The following USP13 variants were observed in gnomAD, a reference collection of about 807,000 sequenced individuals.
USP13 encodes the protein ubiquitin specific peptidase 13.
Under a neutral mutation model 107.8 loss-of-function variants are expected in USP13, and 68 were observed. That is an observed-to-expected ratio of 0.63 (90% CI 0.52 to 0.77). USP13 has a LOEUF of 0.77. Among genes scored for constraint, USP13 ranks in the 30% least tolerant of loss-of-function variants. The probability of loss-of-function intolerance (pLI) is 0.00; values close to 1 mark genes in which losing one functional copy is unlikely to be tolerated. For synonymous variants in USP13, 377 were observed against 389.5 expected (o/e 0.97, Z 0.38); for missense variants, 945 against 1,093.3 (o/e 0.86, Z 1.91).
intron 7 of USP13, 102 bp downstream of exon 7, chr3:179,720,136 G>A: frequency 1.3e-6 from 1 of 741,980 alleles, no homozygotes; most frequent in South Asian, 3.0e-5. Context: ...CCTCTAACGT[G>A]GATCTTCATT....
At chr3:179,728,068 G>C (rs1317000559) in intron 8 of USP13, among the ~76,000 whole-genome samples, 1 of 74,066 alleles carries the variant, frequency 1.4e-5, no homozygotes, top group Non-Finnish European at 3.3e-5. Flanking sequence ...TGGCCGGGCG[G>C]GGGGCTGACC....
At chr3:179,693,651 A>G (rs902632972) in intron 3 of USP13, among the ~76,000 whole-genome samples, 2 of 152,058 alleles carry the variant, frequency 1.3e-5, no homozygotes, top group Admixed American at 6.6e-5. Context: ...CGGTAAATTT[A>G]AAACACTAGT....
At chr3:179,673,702 G>A (rs1720811509) in intron 1 of USP13, among the ~76,000 whole-genome samples, 1 of 152,150 alleles carries the variant, frequency 6.6e-6, no homozygotes, top group South Asian at 2.1e-4. Context: ...AGGCATTGAT[G>A]GGGCTGCTGT....
At chr3:179,688,361 T>A (rs1169677634) in intron 2 of USP13, among the ~76,000 whole-genome samples, 1 of 152,230 alleles carries the variant, frequency 6.6e-6, no homozygotes. Flanking sequence ...GTGCCTTTTT[T>A]GAATCTTTCT....
At position 179,740,332 on chromosome 3, in the gene USP13, A is replaced by G. The variant is rs1463544938; in HGVS notation, c.1340A>G (p.Asp447Gly). The change falls in exon 11 of 21, where the codon GAT (aspartate) becomes GGT (glycine). Residue 447 changes from aspartate (D) to glycine (G), a missense_variant. Coordinates refer to ENST00000263966, the MANE Select transcript of USP13 (RefSeq NM_003940.3). ...HPEFSSNRQQ[D>G]AQEFFLHLVN... The stretch of plus-strand genomic sequence containing the variant: ...GAATTCTCCTCTAACAGGCAGCAAG[A>G]TGCCCAGGAATTCTTCTTGCACCTG... 4.3e-6 allele frequency: 7 copies of G among 1,614,038 alleles called. No individual in the cohort carries two copies. The highest frequency in any genetic ancestry group is 5.1e-6 in the Non-Finnish European group (6 of 1,180,034).
At chr3:179,728,109 GC>G (rs2108501369) in intron 8 of USP13, among the ~76,000 whole-genome samples, 1 of 103,702 alleles carries the variant, frequency 9.6e-6, no homozygotes. Flanking sequence ...GGGGCAGCTG[GC>G]CGGGCAGAGG....
At chr3:179,729,613 A>G (rs1713721253) in intron 8 of USP13, among the ~76,000 whole-genome samples, 1 of 152,148 alleles carries the variant, frequency 6.6e-6, no homozygotes, top group Non-Finnish European at 1.5e-5. Flanking sequence ...CTGGGATTCC[A>G]GGCACGTGCC....
At chr3:179,729,963 G>T (rs1031544042) in intron 8 of USP13, among the ~76,000 whole-genome samples, 10 of 152,240 alleles carry the variant, frequency 6.6e-5, no homozygotes, top group African/African-American at 2.4e-4. Context: ...AACTCTTTGG[G>T]TGAATCTAAC....
Position 179,701,085 on chromosome 3 carries a change from C to G in USP13, c.433C>G (p.His145Asp). 6.2e-7 allele frequency: 1 copy of G among 1,613,994 alleles called. No individual in the cohort carries two copies. The highest frequency in any genetic ancestry group is 8.5e-7 in the Non-Finnish European group (1 of 1,180,028). The change falls in exon 4 of 21, where the codon CAC (histidine) becomes GAC (aspartate). Residue 145 changes from histidine (H) to aspartate (D), a missense_variant. By Grantham distance (81) the His-to-Asp change is moderately conservative (BLOSUM62 -1). Transcript: ENST00000263966. ...DEAKLVIFPD[H>D]YEIALPNIEE... is the part of the protein sequence containing the mutation. ...AGCCAAACTTGTTATATTCCCAGAT[C>G]ACTATGAAATAGCACTACCAAATAT... is the stretch of plus-strand genomic sequence containing the variant.
chr3:179,699,747 TTTTA>T (rs71628092), intron 3 of USP13, among the ~76,000 whole-genome samples: 15,225 of 137,918 alleles, frequency 0.11, 1,178 homozygotes, highest in East Asian at 0.31. Context: ...ATCTTATTTA[TTTTA>T]TTTATTTATT....
intron 17 of USP13, among the ~76,000 whole-genome samples, 179 bp from the exon 18 acceptor site, chr3:179,763,823 C>G (rs1436007379): frequency 6.6e-6 from 1 of 152,050 alleles, no homozygotes; most frequent in African/African-American, 2.4e-5. Flanking sequence ...TGACCTCAGG[C>G]GATCCACTCG....
intron 16 of USP13, among the ~76,000 whole-genome samples, chr3:179,759,722 G>A (rs1023582888): frequency 6.6e-5 from 10 of 151,958 alleles, no homozygotes; most frequent in African/African-American, 2.4e-4. Flanking sequence ...TCACCAGGTT[G>A]GAGTGCCGTG....
At position 179,727,928 on chromosome 3, in the gene USP13, AC is replaced by A. The variant is rs1265519884; in HGVS notation, c.1089-2254del. 4.1e-5 allele frequency among the ~76,000 whole-genome samples: 2 copies of A among 48,352 alleles called. 1 individual carries two copies. Among genetic ancestry groups the A allele is most frequent in the Non-Finnish European group, 1.0e-4 (2 of 19,272 alleles). 31.7% of individuals were successfully genotyped at this position (48,352 alleles called of 152,430 possible). The stretch of plus-strand genomic sequence containing the variant: ...GGGCGGCTGGCCAGGTGGGGGGCTG[AC>A]CCCCCCACCTCCCTCTCGGACGAGG... On this transcript the variant is annotated intron_variant, in intron 8 of 20. Transcript: ENST00000263966.
At chr3:179,732,890 T>C (rs1713857237) in intron 10 of USP13, among the ~76,000 whole-genome samples, 1 of 152,172 alleles carries the variant, frequency 6.6e-6, no homozygotes, top group Non-Finnish European at 1.5e-5. Context: ...CTGAGGCTTG[T>C]AGGTGGGAGC....
rs1301571071 is a variant in USP13 at position 179,653,686 on chromosome 3, GTTCCCTGTTCCGA to G, written c.168+294_168+306del. On this transcript the variant is annotated intron_variant, in intron 1 of 20. Coordinates refer to ENST00000263966, the MANE Select transcript of USP13 (RefSeq NM_003940.3). This position sits in a 1 kb window ranked among gnomAD's most constrained non-coding sequence, Gnocchi z 4.0. ...GTTTAAAGATAGATGAAATACAAGAGTTCCCTGTTCCGAACTGCACGTTGCAGATCGTTTGCGT... is the reference window on the plus strand; with the variant it reads ...GTTTAAAGATAGATGAAATACAAGAGACTGCACGTTGCAGATCGTTTGCGT... The G allele has an allele frequency of 1.6e-5, 6 of 383,818 alleles. No individual in the cohort carries two copies. Among genetic ancestry groups the G allele is most frequent in the Non-Finnish European group, 2.9e-5 (6 of 210,064 alleles). 23.8% of individuals were successfully genotyped at this position (383,818 alleles called of 1,614,324 possible). A position where few individuals can be genotyped will look rare whatever the true frequency, so the allele number is the denominator to read the frequency against.
intron 5 of USP13, 102 bp downstream of exon 5, chr3:179,707,178 C>T (rs1055766175): frequency 3.6e-6 from 5 of 1,381,790 alleles, no homozygotes. Context: ...TTTTTTCTTA[C>T]CAGATGCCTT....
chr3:179,676,637 A>G (rs1217743500), intron 1 of USP13, among the ~76,000 whole-genome samples: 2 of 152,210 alleles, frequency 1.3e-5, no homozygotes, highest in African/African-American at 4.8e-5. Flanking sequence ...AGTGTATGAT[A>G]GGACCAATAT....
chr3:179,666,520 T>G (rs1007398469), intron 1 of USP13, among the ~76,000 whole-genome samples: 13 of 152,194 alleles, frequency 8.5e-5, no homozygotes, highest in Admixed American at 5.2e-4. Context: ...CCCAGCACTT[T>G]GGGTCTTGCC....
At chr3:179,697,973 C>T (rs1712381338) in intron 3 of USP13, among the ~76,000 whole-genome samples, 1 of 152,160 alleles carries the variant, frequency 6.6e-6, no homozygotes, top group South Asian at 2.1e-4. Context: ...TCTGAGTCGC[C>T]AATTAAAATA....
Sources: gnomAD v4.1 joint callset for allele counts (sites outside exome capture counted in the v4.1 genomes callset) on GRCh38, gnomAD v4.1.1 for gene constraint, Gnocchi (gnomAD v3.1) non-coding constraint, MANE v1.5 for transcripts, NCBI Gene and HGNC (gene_info 2026-07-23, HGNC 2026-07-21) for gene names.